Variants in KCTD8 observed in about 807,000 individuals in gnomAD.
KCTD8 encodes potassium channel tetramerization domain containing 8.
In KCTD8, 27 loss-of-function variants were observed where a neutral mutation model predicts 31.5. That is an observed-to-expected ratio of 0.86 (90% CI 0.63 to 1.18). KCTD8 has a LOEUF of 1.18. Among genes scored for constraint, KCTD8 ranks in the 50% most tolerant of loss-of-function variants. The probability of loss-of-function intolerance (pLI) is 0.00; values close to 1 mark genes in which losing one functional copy is unlikely to be tolerated. For missense variants in KCTD8, 658 were observed against 647.7 expected (o/e 1.02, Z -0.17); for synonymous variants, 290 against 280.0 (o/e 1.04, Z -0.36).
intron 1 of KCTD8, among the ~76,000 whole-genome samples, chr4:44,182,021 T>C (rs1285788644): frequency 2.9e-5 from 4 of 139,690 alleles, no homozygotes; most frequent in East Asian, 2.3e-4. Flanking sequence ...GCCTGGCAGC[T>C]GCCCTGTCTG....
chr4:44,441,950 A>G (rs1721820597), intron 1 of KCTD8, among the ~76,000 whole-genome samples: 1 of 152,196 alleles, frequency 6.6e-6, no homozygotes, highest in Admixed American at 6.5e-5. Context: ...TTAAGATGTC[A>G]ATAAAAATGT....
At chr4:44,297,596 C>T (rs1043845664) in intron 1 of KCTD8, among the ~76,000 whole-genome samples, 1 of 152,054 alleles carries the variant, frequency 6.6e-6, no homozygotes, top group African/African-American at 2.4e-5. Flanking sequence ...ATTTACGCTA[C>T]CACAGAGGCA....
chr4:44,420,248 C>T (rs1460898205), intron 1 of KCTD8, among the ~76,000 whole-genome samples: 1 of 151,868 alleles, frequency 6.6e-6, no homozygotes, highest in Admixed American at 6.6e-5. Flanking sequence ...AAATTATGGA[C>T]AAAAGAAGGT....
chr4:44,420,389 A>T (rs554386574), intron 1 of KCTD8, among the ~76,000 whole-genome samples: 2 of 152,334 alleles, frequency 1.3e-5, no homozygotes, highest in Non-Finnish European at 2.9e-5. Context: ...CACGTGGACA[A>T]TCGAAAGAAA....
chr4:44,192,887 A>G (rs947135306), intron 1 of KCTD8, among the ~76,000 whole-genome samples: 4 of 152,202 alleles, frequency 2.6e-5, no homozygotes, highest in African/African-American at 9.6e-5. Context: ...TCTTTCTTCC[A>G]TGCTGGATTG....
intron 1 of KCTD8, among the ~76,000 whole-genome samples, chr4:44,372,592 T>C (rs2109437286): frequency 6.6e-6 from 1 of 152,328 alleles, no homozygotes; most frequent in East Asian, 1.9e-4. Context: ...CTTATTTCTA[T>C]GTAAAGAAAC....
intron 1 of KCTD8, among the ~76,000 whole-genome samples, chr4:44,273,934 T>C (rs779688597): frequency 6.6e-6 from 1 of 151,932 alleles, no homozygotes; most frequent in Non-Finnish European, 1.5e-5. Flanking sequence ...ATTGTTATTA[T>C]CTAAAACTTC....
intron 1 of KCTD8, among the ~76,000 whole-genome samples, chr4:44,349,973 A>G (rs1577630282): frequency 6.6e-6 from 1 of 152,312 alleles, no homozygotes; most frequent in East Asian, 1.9e-4. Flanking sequence ...GACAAGCTTC[A>G]GAATATTATT....
At chr4:44,205,154 T>TA (rs1351502679) in intron 1 of KCTD8, among the ~76,000 whole-genome samples, 1 of 152,174 alleles carries the variant, frequency 6.6e-6, no homozygotes, top group Non-Finnish European at 1.5e-5. Context: ...ATATTTCATG[T>TA]AACTTGACAA....
chr4:44,190,250 C>T (rs1483167630), intron 1 of KCTD8, among the ~76,000 whole-genome samples: 4 of 152,212 alleles, frequency 2.6e-5, no homozygotes, highest in Non-Finnish European at 4.4e-5. Context: ...ACTTTCCTCC[C>T]CCTAGTTCCA....
chr4:44,342,742 T>TAC (rs1220163313), intron 1 of KCTD8, among the ~76,000 whole-genome samples: 2 of 152,246 alleles, frequency 1.3e-5, no homozygotes, highest in Non-Finnish European at 2.9e-5. Flanking sequence ...CCTCATCAAT[T>TAC]ACTTAGCTAG....
chr4:44,245,473 C>G (rs867465310), intron 1 of KCTD8, among the ~76,000 whole-genome samples: 1 of 152,138 alleles, frequency 6.6e-6, no homozygotes, highest in South Asian at 2.1e-4. Context: ...CCTGTGTTAA[C>G]ATACATGTAG....
chr4:44,283,872 T>C (rs1716978560), intron 1 of KCTD8, among the ~76,000 whole-genome samples: 1 of 152,136 alleles, frequency 6.6e-6, no homozygotes. Flanking sequence ...GAACTCCCAT[T>C]CACAATTGCT....
intron 1 of KCTD8, among the ~76,000 whole-genome samples, chr4:44,357,408 C>T (rs775257419): frequency 7.9e-5 from 12 of 152,006 alleles, no homozygotes; most frequent in East Asian, 3.9e-4. Flanking sequence ...TTTGTCTTCC[C>T]GTAAGATTAA....
At chr4:44,233,075 A>AT (rs1321023128) in intron 1 of KCTD8, among the ~76,000 whole-genome samples, 1 of 151,942 alleles carries the variant, frequency 6.6e-6, no homozygotes, top group African/African-American at 2.4e-5. Context: ...AATATTTTTA[A>AT]TTTTTTGGTT....
chr4:44,338,354 T>C (rs989704559), intron 1 of KCTD8, among the ~76,000 whole-genome samples: 1 of 152,158 alleles, frequency 6.6e-6, no homozygotes, highest in Non-Finnish European at 1.5e-5. Context: ...CAGAACAGCA[T>C]TGAAATATAC....
chr4:44,437,544 T>C (rs886497677), intron 1 of KCTD8, among the ~76,000 whole-genome samples: 1 of 152,210 alleles, frequency 6.6e-6, no homozygotes, highest in African/African-American at 2.4e-5. Context: ...GTTTCTGATT[T>C]TTTTTGAAAA....
intron 1 of KCTD8, among the ~76,000 whole-genome samples, chr4:44,401,511 A>T (rs971200471): frequency 6.6e-6 from 1 of 152,160 alleles, no homozygotes; most frequent in African/African-American, 2.4e-5. Flanking sequence ...AAAAAGAACA[A>T]TCAAGTCATA....
At chr4:44,358,575 T>TA (rs1719407730) in intron 1 of KCTD8, among the ~76,000 whole-genome samples, 1 of 151,740 alleles carries the variant, frequency 6.6e-6, no homozygotes, top group South Asian at 2.1e-4. Context: ...GACTTTTTTT[T>TA]TTTTCTTTTT....
Sources: allele counts gnomAD v4.1 joint callset (sites outside exome capture counted in the v4.1 genomes callset), GRCh38; gene constraint gnomAD v4.1.1; transcripts MANE v1.5; gene names NCBI Gene and HGNC (gene_info 2026-07-23, HGNC 2026-07-21).